PHF5A: variants seen among roughly 807,000 people sequenced by gnomAD.
The protein encoded by PHF5A is PHD finger-like domain-containing protein 5A.
For missense variants in PHF5A, 24 were observed against 140.6 expected (o/e 0.17, Z 4.19); for synonymous variants, 52 against 46.0 (o/e 1.13, Z -0.52).
intron 3 of PHF5A, 21 bp downstream of exon 3, chr22:41,467,427 G>A (rs2037876812): frequency 1.2e-6 from 2 of 1,611,970 alleles, no homozygotes; most frequent in Admixed American, 1.7e-5. Flanking sequence ...GGAAAGGTCA[G>A]ATGGAAAGCT....
chr22:41,468,658 C>G lies in PHF5A; in HGVS notation c.-5G>C. The stretch of plus-strand genomic sequence containing the variant: ...ATCAGGATGATGTTTAGCCATAGCT[C>G]CTAACTAAGCCGGCCACCGGAAGCT... On this transcript the variant is annotated 5_prime_UTR_variant, in exon 1 of 4. Coordinates refer to ENST00000216252, the MANE Select transcript of PHF5A (RefSeq NM_032758.4). The G allele has an allele frequency of 6.2e-7, 1 of 1,614,112 alleles. No individual in the cohort carries two copies. Among genetic ancestry groups the G allele is most frequent in the South Asian group, 1.1e-5 (1 of 91,078 alleles).
Position 41,467,490 on chromosome 22 carries a change from A to G in PHF5A, c.201T>C (p.Ser67=). ...RCVICGGPGV[S]DAYYCKECTI... ...TGCACTCCTTACAATAATAGGCATC[A>G]GAGACCCCAGGTCCTCCACAGATCA... Residue 67 remains serine, a synonymous_variant, in exon 3 of 4, where the codon TCT becomes TCC. Transcript: ENST00000216252. 1 of 1,614,198 alleles carries G rather than the reference A, an allele frequency of 6.2e-7. No homozygotes were observed. The highest frequency in any genetic ancestry group is 8.5e-7 in the Non-Finnish European group (1 of 1,180,040).
chr22:41,466,139 C>T (rs1435224202), intron 3 of PHF5A, among the ~76,000 whole-genome samples: 1 of 152,140 alleles, frequency 6.6e-6, no homozygotes, highest in South Asian at 2.1e-4. Context: ...TAACTAGGTA[C>T]CATCATTAAC....
At position 41,460,365 on chromosome 22, in the gene PHF5A, T is replaced by G; in HGVS notation, c.*33A>C. 4 of 1,541,692 alleles carry G rather than the reference T, an allele frequency of 2.6e-6. No individual in the cohort carries two copies. Among genetic ancestry groups the G allele is most frequent in the Non-Finnish European group, 3.6e-6 (4 of 1,123,980 alleles). ...ATGTTTTCTGGCAGCTGCAGCAGACTGATGTTGGGGGGAGGAAGGGGCCAC... is the reference window on the plus strand; with the variant it reads ...ATGTTTTCTGGCAGCTGCAGCAGACGGATGTTGGGGGGAGGAAGGGGCCAC... On this transcript the variant is annotated 3_prime_UTR_variant, in exon 4 of 4. Coordinates refer to ENST00000216252, the MANE Select transcript of PHF5A (RefSeq NM_032758.4).
chr22:41,462,572 A>G (rs2037834694), intron 3 of PHF5A, among the ~76,000 whole-genome samples: 1 of 152,330 alleles, frequency 6.6e-6, no homozygotes, highest in African/African-American at 2.4e-5. Context: ...ATGAGGCACT[A>G]GCTGCCTCTC....
intron 3 of PHF5A, among the ~76,000 whole-genome samples, chr22:41,461,105 G>A (rs903360787): frequency 2.2e-4 from 34 of 152,024 alleles, no homozygotes; most frequent in African/African-American, 7.0e-4. Flanking sequence ...CCCAGGAGGC[G>A]GAGGTAGCAG....
rs115552789 is a variant in PHF5A, at chr22:41,463,039, G to T, written c.244-2552C>A. On this transcript the variant is annotated intron_variant, in intron 3 of 3. Coordinates refer to ENST00000216252, the MANE Select transcript of PHF5A (RefSeq NM_032758.4). Reference sequence around the variant, plus strand: ...CAGGCACCCACCACCGCACCCAGCTGGTTTTCGTATTTTTAGTAGAGATGG... The same window carrying T: ...CAGGCACCCACCACCGCACCCAGCTTGTTTTCGTATTTTTAGTAGAGATGG... Among the ~76,000 whole-genome samples the T allele has an allele frequency of 8.4e-3, 1,273 of 151,686 alleles. 19 individuals carry two copies. The highest frequency in any genetic ancestry group is 0.029 in the African/African-American group (1,215 of 41,372).
intron 3 of PHF5A, among the ~76,000 whole-genome samples, chr22:41,461,800 G>A (rs2037829664): frequency 6.6e-6 from 1 of 151,996 alleles, no homozygotes; most frequent in Non-Finnish European, 1.5e-5. Context: ...GTAGTGGGGA[G>A]TACATGCACC....
intron 3 of PHF5A, among the ~76,000 whole-genome samples, chr22:41,466,897 G>A (rs769428779): frequency 4.6e-5 from 7 of 151,716 alleles, no homozygotes; most frequent in African/African-American, 7.3e-5. Flanking sequence ...GAGATGGGAG[G>A]ATCGTTTGAG....
chr22:41,465,838 C>T (rs1460735056), intron 3 of PHF5A, among the ~76,000 whole-genome samples: 2 of 152,066 alleles, frequency 1.3e-5, no homozygotes, highest in African/African-American at 4.8e-5. Flanking sequence ...CGAGATGGCG[C>T]CACTGCACTC....
chr22:41,463,809 G>A (rs1008060984), intron 3 of PHF5A, among the ~76,000 whole-genome samples: 4 of 149,900 alleles, frequency 2.7e-5, no homozygotes, highest in South Asian at 2.1e-4. Flanking sequence ...CAGGAGAATC[G>A]CTTGAACCTG....
At chr22:41,465,660 T>A (rs1019020887) in intron 3 of PHF5A, among the ~76,000 whole-genome samples, 1 of 152,012 alleles carries the variant, frequency 6.6e-6, no homozygotes, top group East Asian at 1.9e-4. Context: ...GATGGGTGGA[T>A]CGCAAGGTCA....
intron 2 of PHF5A, 25 bp downstream of exon 2, chr22:41,468,099 T>C: frequency 6.2e-7 from 1 of 1,613,496 alleles, no homozygotes; most frequent in South Asian, 1.1e-5. Context: ...AAGGGTGGGT[T>C]GTTGGGACGG....
intron 3 of PHF5A, among the ~76,000 whole-genome samples, chr22:41,461,790 G>C (rs535219770): frequency 6.6e-6 from 1 of 152,222 alleles, no homozygotes; most frequent in East Asian, 1.9e-4. Flanking sequence ...AGCCTCCCGA[G>C]TAGTGGGGAG....
intron 3 of PHF5A, among the ~76,000 whole-genome samples, chr22:41,463,390 A>C (rs2037841087): frequency 6.6e-6 from 1 of 151,476 alleles, no homozygotes. Flanking sequence ...CAGGAGCTTG[A>C]GACCAGGCTG....
intron 3 of PHF5A, among the ~76,000 whole-genome samples, chr22:41,462,126 T>C (rs1364850659): frequency 6.6e-6 from 1 of 152,222 alleles, no homozygotes; most frequent in Non-Finnish European, 1.5e-5. Flanking sequence ...GGCCATTTGA[T>C]GAGCTTGAGT....
intron 3 of PHF5A, among the ~76,000 whole-genome samples, chr22:41,466,967 G>A (rs1349146132): frequency 4.0e-5 from 6 of 151,120 alleles, no homozygotes; most frequent in Non-Finnish European, 7.4e-5. Flanking sequence ...ACCCCAGCCT[G>A]GGCCACAGAG....
At chr22:41,464,020 G>A (rs1330558428) in intron 3 of PHF5A, among the ~76,000 whole-genome samples, 2 of 152,168 alleles carry the variant, frequency 1.3e-5, no homozygotes, top group African/African-American at 4.8e-5. Flanking sequence ...GTATCACACA[G>A]AACTTTTGGA....
At chr22:41,467,989 G>T in intron 2 of PHF5A, 135 bp downstream of exon 2, 1 of 895,256 alleles carries the variant, frequency 1.1e-6, no homozygotes, top group Non-Finnish European at 1.7e-6. Flanking sequence ...AGGGGCCTTT[G>T]GCTAAAGTGC....
Sources: gnomAD v4.1 joint callset for allele counts (sites outside exome capture counted in the v4.1 genomes callset) on GRCh38, gnomAD v4.1.1 for gene constraint, MANE v1.5 for transcripts, NCBI Gene and HGNC (gene_info 2026-07-23, HGNC 2026-07-21) for gene names.